TBC1D12: variants seen among roughly 807,000 people sequenced by gnomAD.
The protein encoded by TBC1D12 is TBC1 domain family, member 12.
Under a neutral mutation model 86.7 loss-of-function variants are expected in TBC1D12, and 56 were observed. That is an observed-to-expected ratio of 0.65 (90% CI 0.52 to 0.81). TBC1D12 has a LOEUF of 0.81. Ranked by LOEUF, TBC1D12 falls within the 30% of genes least tolerant of loss-of-function variation. The pLI is 0.00. For missense variants in TBC1D12, 1,023 were observed against 1,038.8 expected, an observed-to-expected ratio of 0.98 and a Z score of 0.21; for synonymous variants, 421 against 411.7, an observed-to-expected ratio of 1.02 and a Z score of -0.27.
rs967767561 is a variant in TBC1D12 at position 94,535,788 on chromosome 10, G to A, written c.*2692G>A. On this transcript the variant is annotated 3_prime_UTR_variant, in exon 13 of 13. Transcript: ENST00000225235. ...TTTCCTCAGTTGGACCTAAGTTACT[G>A]TATTTGTTTTTCTTATTTTTTTATT... 2 of 152,066 alleles carry A rather than the reference G, an allele frequency of 1.3e-5. No individual in the cohort carries two copies. The highest frequency in any genetic ancestry group is 2.4e-5 in the African/African-American group (1 of 41,418). 9.4% of individuals were successfully genotyped at this position (152,066 alleles called of 1,614,324 possible). A position where few individuals can be genotyped will look rare whatever the true frequency, so the allele number is the denominator to read the frequency against.
intron 1 of TBC1D12, among the ~76,000 whole-genome samples, chr10:94,415,272 CT>C (rs940310869): frequency 2.6e-5 from 4 of 152,156 alleles, no homozygotes; most frequent in Non-Finnish European, 5.9e-5. Context: ...ATTTAAGTTG[CT>C]TTTTTGTACT....
At chr10:94,517,745 A>G (rs546164476) in intron 9 of TBC1D12, among the ~76,000 whole-genome samples, 2 of 152,266 alleles carry the variant, frequency 1.3e-5, no homozygotes, top group Non-Finnish European at 2.9e-5. Flanking sequence ...GTTTTTAACT[A>G]TGTTAATGAA....
chr10:94,442,020 G>GT lies in TBC1D12; in HGVS notation c.1095+2dup. 2 of 1,610,996 alleles carry GT rather than the reference G, an allele frequency of 1.2e-6. No homozygotes were observed. The highest frequency in any genetic ancestry group is 1.7e-6 in the Non-Finnish European group (2 of 1,178,876). On this transcript the variant is annotated splice_donor_variant, in intron 2 of 12. Transcript: ENST00000225235. LOFTEE classifies it high-confidence loss of function. Reference sequence around the variant, plus strand: ...GAAAACATCCAAAATCATTCAGCAGGTAAGTACTGACATAGCCATGTAGTT... The same window carrying GT: ...GAAAACATCCAAAATCATTCAGCAGGTTAAGTACTGACATAGCCATGTAGTT...
intron 2 of TBC1D12, among the ~76,000 whole-genome samples, chr10:94,446,990 T>G (rs1208881120): frequency 6.6e-6 from 1 of 150,892 alleles, no homozygotes; most frequent in Non-Finnish European, 1.5e-5. Flanking sequence ...GAAGAATCAC[T>G]TGAACCTGGG....
intron 1 of TBC1D12, among the ~76,000 whole-genome samples, chr10:94,438,369 A>C (rs975385532): frequency 2.0e-5 from 3 of 151,644 alleles, no homozygotes; most frequent in Non-Finnish European, 4.4e-5. Flanking sequence ...ATTTTCTTAG[A>C]TATCTGGCTC....
At chr10:94,506,275 G>A (rs1279524997) in intron 6 of TBC1D12, among the ~76,000 whole-genome samples, 1 of 152,082 alleles carries the variant, frequency 6.6e-6, no homozygotes, top group Non-Finnish European at 1.5e-5. Context: ...CTGACCTCAG[G>A]TGATCCACCC....
At chr10:94,406,294 T>C (rs1051585455) in intron 1 of TBC1D12, among the ~76,000 whole-genome samples, 2 of 152,222 alleles carry the variant, frequency 1.3e-5, no homozygotes, top group Non-Finnish European at 2.9e-5. Context: ...TATTCATATG[T>C]GTCAGAGCAC....
At chr10:94,453,427 ACATT>A (rs1484994868) in intron 2 of TBC1D12, among the ~76,000 whole-genome samples, 4 of 152,330 alleles carry the variant, frequency 2.6e-5, no homozygotes, top group Admixed American at 1.3e-4. Flanking sequence ...GTGAGAGAAC[ACATT>A]CATATAACTT....
At position 94,441,958 on chromosome 10, in the gene TBC1D12, A is replaced by G; in HGVS notation, c.1034A>G (p.Lys345Arg). ...KSVVHSAPGW[K>R]LFGKVPPREN... ...GTTGTCCATAGTGCTCCTGGTTGGA[A>G]ATTATTTGGTAAAGTCCCTCCTAGA... is the stretch of plus-strand genomic sequence containing the variant. Residue 345 changes from lysine (K) to arginine (R), a missense_variant, in exon 2 of 13, where the codon AAA becomes AGA. Physicochemically the swap from Lys to Arg is conservative, Grantham distance 26. This residue lies in a region of TBC1D12 where 628 missense variants were observed against 531.1 expected (regional missense o/e 1.18). Coordinates refer to ENST00000225235, the MANE Select transcript of TBC1D12 (RefSeq NM_015188.2). 1 of 1,613,544 alleles carries G rather than the reference A, an allele frequency of 6.2e-7. No homozygotes were observed. Among genetic ancestry groups the G allele is most frequent in the Non-Finnish European group, 8.5e-7 (1 of 1,179,722 alleles).
At chr10:94,410,103 C>G (rs542814095) in intron 1 of TBC1D12, among the ~76,000 whole-genome samples, 3 of 152,094 alleles carry the variant, frequency 2.0e-5, no homozygotes, top group Non-Finnish European at 4.4e-5. Flanking sequence ...CTATGATCAC[C>G]TTATTCATGC....
chr10:94,436,768 T>C (rs924260228), intron 1 of TBC1D12, among the ~76,000 whole-genome samples: 6 of 152,042 alleles, frequency 3.9e-5, no homozygotes, highest in Admixed American at 3.9e-4. Context: ...AAGTCAAAAT[T>C]GCTTTTTTTA....
chr10:94,414,532 T>A (rs561226484), intron 1 of TBC1D12, among the ~76,000 whole-genome samples: 11 of 152,294 alleles, frequency 7.2e-5, no homozygotes, highest in Admixed American at 3.3e-4. Context: ...AAGTATCTTG[T>A]ATATCTCTCC....
intron 1 of TBC1D12, among the ~76,000 whole-genome samples, chr10:94,406,817 T>G (rs1589595668): frequency 1.3e-5 from 2 of 152,240 alleles, no homozygotes; most frequent in Admixed American, 1.3e-4. Flanking sequence ...CACTTCATTT[T>G]TTTAGATGAG....
chr10:94,532,918 A>G (rs1162301074), intron 12 of TBC1D12, 110 bp from the exon 13 acceptor site: 1 of 579,922 alleles, frequency 1.7e-6, no homozygotes, highest in Non-Finnish European at 2.9e-6. Flanking sequence ...TTTCGGGGAC[A>G]GTGTTAAGTA....
chr10:94,507,085 ACTTT>A (rs1381695418), intron 6 of TBC1D12, among the ~76,000 whole-genome samples, 178 bp from the exon 7 acceptor site: 2 of 152,132 alleles, frequency 1.3e-5, no homozygotes, highest in East Asian at 3.8e-4. Context: ...AATTTTATTT[ACTTT>A]CTTTCTGAGT....
At position 94,403,110 on chromosome 10, in the gene TBC1D12, G is replaced by A. The variant is rs1488550106; in HGVS notation, c.497G>A (p.Arg166His). Residue 166 changes from arginine (R) to histidine (H), a missense_variant, in exon 1 of 13, where the codon CGC (arginine) becomes CAC (histidine). Physicochemically the swap from Arg to His is conservative, Grantham distance 29 (BLOSUM62 0). Coordinates refer to ENST00000225235, the MANE Select transcript of TBC1D12 (RefSeq NM_015188.2). ...GCCGGCGGCCGGGAGTCGCGCCGCCGCCGCCCCTACGGCCGCCTTCGCCTG... is the reference window on the plus strand; with the variant it reads ...GCCGGCGGCCGGGAGTCGCGCCGCCACCGCCCCTACGGCCGCCTTCGCCTG... ...ARAGGRESRR[R>H]RPYGRLRLEG... 4 of 1,390,488 alleles carry A rather than the reference G, an allele frequency of 2.9e-6. No homozygotes were observed. The highest frequency in any genetic ancestry group is 3.1e-5 in the East Asian group (1 of 32,560). 86.1% of individuals were successfully genotyped at this position (1,390,488 alleles called of 1,614,324 possible). A position where few individuals can be genotyped will look rare whatever the true frequency, so the allele number is the denominator to read the frequency against.
intron 2 of TBC1D12, among the ~76,000 whole-genome samples, chr10:94,447,057 C>CAAAA (rs35395527): frequency 2.0e-5 from 2 of 100,454 alleles, no homozygotes; most frequent in African/African-American, 3.7e-5. Flanking sequence ...TGAGCTGTTT[C>CAAAA]AAAAAAAAAA....
At chr10:94,477,914 A>G (rs2134151440) in intron 3 of TBC1D12, among the ~76,000 whole-genome samples, 1 of 152,256 alleles carries the variant, frequency 6.6e-6, no homozygotes, top group African/African-American at 2.4e-5. Context: ...AGATCTGCAA[A>G]TTTCACCTTG....
In TBC1D12 at chr10:94,474,682, A is replaced by T; in HGVS notation, c.1110A>T (p.Arg370=). The T allele has an allele frequency of 6.2e-7, 1 of 1,614,092 alleles. No homozygotes were observed. The highest frequency in any genetic ancestry group is 1.6e-4 in the Middle Eastern group (1 of 6,062). Residue 370 remains arginine (R), a synonymous_variant, in exon 3 of 13, where the codon CGA becomes CGT. Transcript: ENST00000225235. The part of the protein sequence containing the change: ...SKIIQQEYEA[R]TGRTCKPPPQ... ...ATTTACTCTAGGAATATGAAGCACGAACGGGGAGGACCTGTAAACCACCAC... is the reference window on the plus strand; with the variant it reads ...ATTTACTCTAGGAATATGAAGCACGTACGGGGAGGACCTGTAAACCACCAC...
Sources: allele counts gnomAD v4.1 joint callset (sites outside exome capture counted in the v4.1 genomes callset), GRCh38; gene constraint gnomAD v4.1.1; regional missense constraint gnomAD v4.1.1; transcripts MANE v1.5; gene names NCBI Gene and HGNC (gene_info 2026-07-23, HGNC 2026-07-21).